OTUD7A: variants seen among roughly 807,000 people sequenced by gnomAD.
OTUD7A encodes OTU deubiquitinase 7A, also known as OTU domain-containing protein 7A.
Under a neutral mutation model 65.7 loss-of-function variants are expected in OTUD7A, and 12 were observed. The ratio of observed to expected loss-of-function variants is 0.18; its 90% confidence interval spans 0.12 to 0.30. The LOEUF is 0.30. Ranked by LOEUF, OTUD7A falls within the 10% of genes least tolerant of loss-of-function variation. The pLI, the probability that OTUD7A is intolerant of heterozygous loss-of-function variation, is 1.00. For missense variants in OTUD7A, 1,148 were observed against 1,304.8 expected, an observed-to-expected ratio of 0.88 and a Z score of 1.85; for synonymous variants, 641 against 586.3, an observed-to-expected ratio of 1.09 and a Z score of -1.35.
At chr15:31,760,845 C>A (rs990460329) in intron 1 of OTUD7A, among the ~76,000 whole-genome samples, 3 of 152,086 alleles carry the variant, frequency 2.0e-5, no homozygotes, top group African/African-American at 7.2e-5. Context: ...TGGCATAAAC[C>A]CTTGCATTTA....
At chr15:31,808,136 C>CACACACACACACACACACAAAAAA (rs772574742) in intron 1 of OTUD7A, among the ~76,000 whole-genome samples, 8 of 119,510 alleles carry the variant, frequency 6.7e-5, no homozygotes, top group East Asian at 2.4e-4. Context: ...CACACACACA[C>CACACACACACACACACACAAAAAA]AAACAAATCC....
chr15:31,630,931 A>G (rs1458177913), intron 3 of OTUD7A, among the ~76,000 whole-genome samples: 1 of 152,064 alleles, frequency 6.6e-6, no homozygotes, highest in Non-Finnish European at 1.5e-5. Flanking sequence ...TTTGTTTTCC[A>G]TTTGCTTGGT....
intron 3 of OTUD7A, among the ~76,000 whole-genome samples, chr15:31,591,273 C>A (rs1200405053): frequency 6.6e-6 from 1 of 152,082 alleles, no homozygotes; most frequent in Non-Finnish European, 1.5e-5. Flanking sequence ...ACAAGCTTAA[C>A]TGGGAGAGCT....
At chr15:31,601,311 C>G (rs1202116937) in intron 3 of OTUD7A, among the ~76,000 whole-genome samples, 1 of 152,138 alleles carries the variant, frequency 6.6e-6, no homozygotes, top group Non-Finnish European at 1.5e-5. Flanking sequence ...GAAACTCACC[C>G]AAAACTGCAC....
chr15:31,529,184 G>A (rs924126156), intron 6 of OTUD7A, among the ~76,000 whole-genome samples: 1 of 152,246 alleles, frequency 6.6e-6, no homozygotes, highest in African/African-American at 2.4e-5. Flanking sequence ...CAATGAGGCT[G>A]CTGTTTGACA....
intron 1 of OTUD7A, among the ~76,000 whole-genome samples, chr15:31,777,334 A>G (rs751584583): frequency 6.6e-5 from 10 of 152,204 alleles, no homozygotes; most frequent in Non-Finnish European, 1.2e-4. Context: ...GTTGAGAGGG[A>G]CATAAATATT....
chr15:31,623,756 C>T (rs8040203), intron 3 of OTUD7A, among the ~76,000 whole-genome samples: 27,035 of 152,144 alleles, frequency 0.18, 2,614 homozygotes, highest in East Asian at 0.25. Context: ...ATGCTCGGTG[C>T]GCTGCACCCA....
intron 10 of OTUD7A, among the ~76,000 whole-genome samples, chr15:31,495,507 C>T (rs1357397841): frequency 1.3e-5 from 2 of 152,282 alleles, no homozygotes; most frequent in East Asian, 3.9e-4. Flanking sequence ...CCCCCAACCC[C>T]AGCTCCTCGG....
chr15:31,608,244 A>C (rs1555400988), intron 3 of OTUD7A, among the ~76,000 whole-genome samples: 1 of 152,160 alleles, frequency 6.6e-6, no homozygotes, highest in Non-Finnish European at 1.5e-5. Flanking sequence ...TCCATCTCAA[A>C]GAAGAAAAAA....
At chr15:31,811,956 AG>A (rs1896428824) in intron 1 of OTUD7A, among the ~76,000 whole-genome samples, 1 of 152,216 alleles carries the variant, frequency 6.6e-6, no homozygotes, top group South Asian at 2.1e-4. Context: ...CCCACCCCTG[AG>A]GAGACCTGAG....
At chr15:31,760,047 T>G (rs1894920251) in intron 1 of OTUD7A, among the ~76,000 whole-genome samples, 1 of 152,140 alleles carries the variant, frequency 6.6e-6, no homozygotes, top group African/African-American at 2.4e-5. Flanking sequence ...AGATGACAAT[T>G]TCATACTTTT....
At chr15:31,722,722 G>A in intron 1 of OTUD7A, among the ~76,000 whole-genome samples, 1 of 152,254 alleles carries the variant, frequency 6.6e-6, no homozygotes, top group South Asian at 2.1e-4. Context: ...CTGGGCTGCA[G>A]GATGTTTGGG....
At chr15:31,536,378 A>G (rs1332147744) in intron 5 of OTUD7A, among the ~76,000 whole-genome samples, 2 of 152,212 alleles carry the variant, frequency 1.3e-5, no homozygotes, top group African/African-American at 4.8e-5. Context: ...ATGTTATGTG[A>G]AACTTCTAGT....
chr15:31,743,465 G>T (rs990569368), intron 1 of OTUD7A, among the ~76,000 whole-genome samples: 1 of 152,190 alleles, frequency 6.6e-6, no homozygotes, highest in Admixed American at 6.5e-5. Flanking sequence ...TCCAGTGAAA[G>T]TTATAGTACT....
At position 31,484,292 on chromosome 15, in the gene OTUD7A, C is replaced by T; in HGVS notation, c.1804G>A (p.Ala602Thr). 4 of 1,595,686 alleles carry T rather than the reference C, an allele frequency of 2.5e-6. No individual in the cohort carries two copies. The highest frequency in any genetic ancestry group is 3.4e-6 in the Non-Finnish European group (4 of 1,175,654). Residue 602 changes from alanine to threonine, a missense_variant, in exon 13 of 13, where the codon GCA becomes ACA. This residue lies in a region of OTUD7A where 842 missense variants were observed against 769.5 expected (regional missense o/e 1.09). Coordinates refer to ENST00000307050, the MANE Select transcript of OTUD7A (RefSeq NM_001382637.1). This position sits in a 1 kb window ranked among gnomAD's most constrained non-coding sequence, Gnocchi z 4.5. The part of the protein sequence containing the change: ...EKTTPSPTDK[A>T]AGASPAEKGG... ...TTCTCCGCCGGCGACGCGCCCGCTG[C>T]CTTGTCTGTGGGCGACGGCGTGGTC...
chr15:31,524,494 G>T lies in OTUD7A; in HGVS notation c.893+1855C>A, dbSNP rs1467946127. Among the ~76,000 whole-genome samples the T allele has an allele frequency of 2.6e-5, 4 of 152,180 alleles. No homozygotes were observed. The East Asian group carries it at 7.8e-4, about 29-fold the overall frequency. ...GCAGAGTTTGAAAGGAGGGGAGAGAGTGCCTAGCACAGGGCCCTCTTATGG... is the reference window on the plus strand; with the variant it reads ...GCAGAGTTTGAAAGGAGGGGAGAGATTGCCTAGCACAGGGCCCTCTTATGG... On this transcript the variant is annotated intron_variant, in intron 8 of 12. Coordinates refer to ENST00000307050, the MANE Select transcript of OTUD7A (RefSeq NM_001382637.1).
intron 3 of OTUD7A, among the ~76,000 whole-genome samples, chr15:31,648,293 GGAA>G (rs1891737868): frequency 6.6e-6 from 1 of 152,166 alleles, no homozygotes; most frequent in South Asian, 2.1e-4. Flanking sequence ...AAGCAAGAAG[GGAA>G]GAATAACTTA....
At chr15:31,785,174 T>C (rs1045178317) in intron 1 of OTUD7A, among the ~76,000 whole-genome samples, 3 of 152,200 alleles carry the variant, frequency 2.0e-5, no homozygotes, top group Non-Finnish European at 4.4e-5. Flanking sequence ...ACCATGCAAG[T>C]ACACTTTGAT....
At chr15:31,708,133 G>GC (rs1893349837) in intron 1 of OTUD7A, among the ~76,000 whole-genome samples, 1 of 151,636 alleles carries the variant, frequency 6.6e-6, no homozygotes, top group Non-Finnish European at 1.5e-5. Flanking sequence ...CACACCACCT[G>GC]CCCCGCACAA....
Sources: allele counts gnomAD v4.1 joint callset (sites outside exome capture counted in the v4.1 genomes callset), GRCh38; gene constraint gnomAD v4.1.1; regional missense constraint gnomAD v4.1.1; non-coding constraint Gnocchi (gnomAD v3.1); transcripts MANE v1.5; gene names NCBI Gene and HGNC (gene_info 2026-07-23, HGNC 2026-07-21).